The following UBR4 variants were observed in gnomAD, a reference collection of about 807,000 sequenced individuals.
The protein encoded by UBR4 is ubiquitin protein ligase E3 component n-recognin 4.
UBR4 carries 124 observed loss-of-function variants against 575.6 expected under a neutral mutation model. The ratio of observed to expected loss-of-function variants is 0.22; its 90% CI spans 0.19 to 0.25. The LOEUF (loss-of-function observed/expected upper bound fraction) is 0.25. Ranked by LOEUF, UBR4 falls within the 10% of genes least tolerant of loss-of-function variation. UBR4 has a pLI of 1.00. For missense variants in UBR4, 4,818 were observed against 6,478.8 expected, an observed-to-expected ratio of 0.74 and a Z score of 8.80; for synonymous variants, 2,455 against 2,473.7, an observed-to-expected ratio of 0.99 and a Z score of 0.22.
Position 19,150,620 on chromosome 1 carries a change from C to T in UBR4, c.7387G>A (p.Asp2463Asn), listed in dbSNP as rs916816131. The T allele has an allele frequency of 2.5e-6, 4 of 1,613,698 alleles. No homozygotes were observed. Among genetic ancestry groups the T allele is most frequent in the Non-Finnish European group, 3.4e-6 (4 of 1,180,042 alleles). ...LNQSNGTGDSDSAAPTTTSGT... is the reference protein window; with the variant it reads ...LNQSNGTGDSNSAAPTTTSGT... ...CTGGTCGTAGTGGGGGCAGCTGAGTCGCTATCTCCAGTGCCGTTGCTCTGG... is the reference window on the plus strand; with the variant it reads ...CTGGTCGTAGTGGGGGCAGCTGAGTTGCTATCTCCAGTGCCGTTGCTCTGG... The change falls in exon 49 of 106, where the codon GAC becomes AAC. Residue 2463 changes from aspartate (D) to asparagine (N), a missense_variant. This residue lies in a region of UBR4 where 340 missense variants were observed against 375.4 expected (regional missense o/e 0.91). Coordinates refer to ENST00000375254, the MANE Select transcript of UBR4 (RefSeq NM_020765.3).
intron 64 of UBR4, among the ~76,000 whole-genome samples, chr1:19,126,151 C>T (rs2081749301): frequency 6.6e-6 from 1 of 152,190 alleles, no homozygotes; most frequent in African/African-American, 2.4e-5. Flanking sequence ...TCATGACCCA[C>T]AACTCATGAC....
At chr1:19,176,412 T>C (rs1212746575) in intron 20 of UBR4, among the ~76,000 whole-genome samples, 180 bp downstream of exon 20, 4 of 152,214 alleles carry the variant, frequency 2.6e-5, no homozygotes, top group Admixed American at 2.6e-4. Flanking sequence ...TTAAAAAATA[T>C]AAATGTAGGC....
At chr1:19,190,813 T>C (rs2151418130) in intron 11 of UBR4, among the ~76,000 whole-genome samples, 1 of 152,316 alleles carries the variant, frequency 6.6e-6, no homozygotes, top group East Asian at 1.9e-4. Flanking sequence ...GAATGATGCA[T>C]TCGCTGCTAA....
intron 2 of UBR4, among the ~76,000 whole-genome samples, chr1:19,201,123 A>G (rs2092723320): frequency 6.6e-6 from 1 of 152,222 alleles, no homozygotes. Context: ...TGGATGACAG[A>G]GCAAGACCCT....
intron 93 of UBR4, 85 bp downstream of exon 93, chr1:19,095,460 T>C: frequency 7.5e-7 from 1 of 1,326,982 alleles, no homozygotes; most frequent in Admixed American, 1.7e-5. Flanking sequence ...CGTGAGTCCA[T>C]TTCATCTGAG....
chr1:19,105,668 C>G (rs760009445), intron 84 of UBR4, 65 bp downstream of exon 84: 2 of 1,242,696 alleles, frequency 1.6e-6, no homozygotes, highest in East Asian at 2.6e-5. Flanking sequence ...ATGGATTCCC[C>G]GGGGAAGATG....
Position 19,097,165 on chromosome 1 carries a change from A to C in UBR4, c.13390+28T>G. 1.9e-6 allele frequency: 3 copies of C among 1,589,788 alleles called. No homozygotes were observed. The Admixed American group carries it at 5.4e-5, about 29-fold the overall frequency. On this transcript the variant is annotated intron_variant, in intron 91 of 105. Transcript: ENST00000375254. ...GAGCCGCTCATGAGTCCCAAGCCTC[A>C]GATCCAATGTGCAGTGCCATGATCT...
At chr1:19,096,729 T>C in intron 91 of UBR4, 79 bp from the exon 92 acceptor site, 5 of 1,544,250 alleles carry the variant, frequency 3.2e-6, no homozygotes, top group South Asian at 1.2e-5. Flanking sequence ...AAGACAGCCC[T>C]ATTCCTGGCT....
intron 8 of UBR4, among the ~76,000 whole-genome samples, chr1:19,196,011 C>T (rs1558002751): frequency 2.2e-5 from 3 of 134,060 alleles, no homozygotes; most frequent in Non-Finnish European, 5.0e-5. Flanking sequence ...CACACACACA[C>T]ACACACAAAC....
chr1:19,200,891 C>A lies in UBR4; in HGVS notation c.274+827G>T, dbSNP rs895454039. The stretch of plus-strand genomic sequence containing the variant: ...AAATATGGGGACTCCTGCCTGTAAT[C>A]CCAGCACTTTGGGAGGCTAAGCTGG... On this transcript the variant is annotated intron_variant, in intron 2 of 105. Coordinates refer to ENST00000375254, the MANE Select transcript of UBR4 (RefSeq NM_020765.3). Among the ~76,000 whole-genome samples the A allele has an allele frequency of 2.0e-5, 3 of 152,210 alleles. No individual in the cohort carries two copies. The East Asian group carries it at 5.8e-4, about 29-fold the overall frequency.
In UBR4 at chr1:19,093,190, G is replaced by T. The variant is rs1055571190; in HGVS notation, c.14111+123C>A. The T allele has an allele frequency of 7.2e-5, 92 of 1,286,704 alleles. No individual in the cohort carries two copies. Among genetic ancestry groups the T allele is most frequent in the Non-Finnish European group, 9.6e-5 (89 of 923,320 alleles). The allele number at this position is 1,286,704 out of a possible 1,614,324, so 79.7% of individuals were successfully genotyped here. The stretch of plus-strand genomic sequence containing the variant: ...GGTCACCCACATAGTTTCCAGAAGC[G>T]GTTGGGAGGCCCCAAGGAGGGCAAG... On this transcript the variant is annotated intron_variant, in intron 96 of 105. Coordinates refer to ENST00000375254, the MANE Select transcript of UBR4 (RefSeq NM_020765.3). The surrounding 1 kb of genome is among the most constrained non-coding windows in gnomAD (Gnocchi z 4.8).
intron 64 of UBR4, among the ~76,000 whole-genome samples, chr1:19,125,020 A>G (rs2081575051): frequency 6.6e-6 from 1 of 152,194 alleles, no homozygotes; most frequent in Admixed American, 6.5e-5. Context: ...ATTGGAAAAA[A>G]AAAAGAAAAA....
In UBR4 at chr1:19,105,853, G is replaced by A; in HGVS notation, c.12394-11C>T. 2.6e-6 allele frequency: 4 copies of A among 1,562,988 alleles called. No homozygotes were observed. The highest frequency in any genetic ancestry group is 3.5e-6 in the Non-Finnish European group (4 of 1,159,074). On this transcript the variant is annotated splice_polypyrimidine_tract_variant and intron_variant, in intron 83 of 105. Transcript: ENST00000375254. The stretch of plus-strand genomic sequence containing the variant: ...TGGAGTGAAAAGCACCTGCAGGACA[G>A]GGGAGAGAAGGGGTCGTAGACTCAG...
chr1:19,191,737 C>T (rs1431015890), intron 11 of UBR4, among the ~76,000 whole-genome samples: 1 of 152,116 alleles, frequency 6.6e-6, no homozygotes, highest in East Asian at 1.9e-4. Context: ...GAAAACGAAA[C>T]CTGAACAGTA....
At chr1:19,128,358 AAAG>A in intron 61 of UBR4, 40 bp from the exon 62 acceptor site, 5 of 1,567,778 alleles carry the variant, frequency 3.2e-6, no homozygotes, top group Non-Finnish European at 1.8e-6. Context: ...CCAATTTCCT[AAAG>A]AAGAACGACT....
chr1:19,123,971 G>A (rs1401100167), intron 65 of UBR4, among the ~76,000 whole-genome samples: 2 of 152,202 alleles, frequency 1.3e-5, no homozygotes, highest in Non-Finnish European at 2.9e-5. Flanking sequence ...AACAGGGAGG[G>A]ACACTGGCAG....
chr1:19,115,178 C>T (rs1238930798), intron 74 of UBR4, among the ~76,000 whole-genome samples: 3 of 145,628 alleles, frequency 2.1e-5, no homozygotes, highest in Non-Finnish European at 4.5e-5. Flanking sequence ...TGCCACAGGA[C>T]AGACACACTC....
rs780386913 is a variant in UBR4, at chr1:19,110,257, A to G, written c.11978-34T>C. ...GGTCAGGAAAGGCAGAGTCACAATC[A>G]GGAACACTACACATCTGCTCTGCAG... On this transcript the variant is annotated intron_variant, in intron 80 of 105. Coordinates refer to ENST00000375254, the MANE Select transcript of UBR4 (RefSeq NM_020765.3). This position sits in a 1 kb window ranked among gnomAD's most constrained non-coding sequence, Gnocchi z 4.5. 1 of 1,614,170 alleles carries G rather than the reference A, an allele frequency of 6.2e-7. No individual in the cohort carries two copies. Among genetic ancestry groups the G allele is most frequent in the East Asian group, 2.2e-5 (1 of 44,874 alleles).
intron 55 of UBR4, among the ~76,000 whole-genome samples, chr1:19,142,871 T>C (rs1232082972): frequency 6.6e-6 from 1 of 152,032 alleles, no homozygotes; most frequent in Non-Finnish European, 1.5e-5. Context: ...CCTATAATCC[T>C]AGCACTTTGG....
Sources: allele counts gnomAD v4.1 joint callset (sites outside exome capture counted in the v4.1 genomes callset), GRCh38; gene constraint gnomAD v4.1.1; regional missense constraint gnomAD v4.1.1; non-coding constraint Gnocchi (gnomAD v3.1); transcripts MANE v1.5; gene names NCBI Gene and HGNC (gene_info 2026-07-23, HGNC 2026-07-21).